The following KAT6A variants were observed in gnomAD, a reference collection of about 807,000 sequenced individuals.
KAT6A encodes histone acetyltransferase KAT6A.
KAT6A carries 9 observed loss-of-function variants against 198.4 expected under a neutral mutation model. The observed-to-expected ratio is 0.05, with a 90% confidence interval of 0.03 to 0.08. KAT6A has a LOEUF of 0.08. Among genes scored for constraint, KAT6A ranks in the 10% least tolerant of loss-of-function variants. The pLI is 1.00. For synonymous variants in KAT6A, 890 were observed against 883.0 expected, an observed-to-expected ratio of 1.01 and a Z score of -0.14; for missense variants, 2,077 against 2,509.9, an observed-to-expected ratio of 0.83 and a Z score of 3.69.
intron 14 of KAT6A, 182 bp downstream of exon 14, chr8:41,942,610 TA>T (rs1822194697): frequency 2.9e-6 from 2 of 678,470 alleles, no homozygotes; most frequent in African/African-American, 1.8e-5. Flanking sequence ...GTCCAAGGCT[TA>T]AAAATACTTA....
At chr8:41,982,041 A>G (rs1169392322) in intron 3 of KAT6A, 87 bp from the exon 4 acceptor site, 3 of 739,912 alleles carry the variant, frequency 4.1e-6, no homozygotes, top group Non-Finnish European at 7.2e-6. Flanking sequence ...GAAAAAGGCA[A>G]TCATCTTAAA....
intron 2 of KAT6A, among the ~76,000 whole-genome samples, chr8:41,988,316 A>AT (rs1368357648): frequency 6.6e-6 from 1 of 152,192 alleles, no homozygotes; most frequent in Non-Finnish European, 1.5e-5. Context: ...AAGAAGCTAG[A>AT]TAAGTTCGTG....
At chr8:41,963,763 T>A (rs182575034) in intron 8 of KAT6A, among the ~76,000 whole-genome samples, 2 of 152,254 alleles carry the variant, frequency 1.3e-5, no homozygotes, top group East Asian at 3.9e-4. Context: ...ACTTAACTAC[T>A]TTAAAGAGCT....
chr8:41,934,626 A>C lies in KAT6A; in HGVS notation c.3594T>G (p.Ala1198=). 6.2e-7 allele frequency: 1 copy of C among 1,614,092 alleles called. No individual in the cohort carries two copies. Among genetic ancestry groups the C allele is most frequent in the Non-Finnish European group, 8.5e-7 (1 of 1,180,026 alleles). ...TCTCCTGGATCTTGGGTTTACGTCC[A>C]GCTTTAGGAATGGAAACGATGGGCT... The part of the protein sequence containing the change: ...VIEPIVSIPK[A]GRKPKIQESE... Residue 1198 remains alanine (A), a synonymous_variant, in exon 17 of 17, where the codon GCT becomes GCG. Coordinates refer to ENST00000265713, the MANE Select transcript of KAT6A (RefSeq NM_006766.5).
chr8:41,968,106 A>T (rs547767932), intron 8 of KAT6A, among the ~76,000 whole-genome samples: 1 of 152,146 alleles, frequency 6.6e-6, no homozygotes, highest in Non-Finnish European at 1.5e-5. Context: ...ACGGCAACAA[A>T]AGCCAAAATT....
At chr8:42,044,930 C>A (rs1827837664) in intron 2 of KAT6A, among the ~76,000 whole-genome samples, 1 of 152,170 alleles carries the variant, frequency 6.6e-6, no homozygotes, top group Admixed American at 6.5e-5. Context: ...AGCAAACTAT[C>A]AATTCTGCAT....
rs780887472 is a variant in KAT6A at position 41,932,494 on chromosome 8, T to C, written c.5726A>G (p.Tyr1909Cys). 2.5e-6 allele frequency: 4 copies of C among 1,614,132 alleles called. No individual in the cohort carries two copies. Among genetic ancestry groups the C allele is most frequent in the Non-Finnish European group, 3.4e-6 (4 of 1,180,052 alleles). The change falls in exon 17 of 17, where the codon TAT (tyrosine) becomes TGT (cysteine). Residue 1909 changes from tyrosine to cysteine, a missense_variant. Coordinates refer to ENST00000265713, the MANE Select transcript of KAT6A (RefSeq NM_006766.5). ...MGVNLMPTPA[Y>C]NVNSMNMNTL... ...GTTCATATTCATGGAATTGACATTA[T>C]AGGCGGGAGTAGGCATCAGATTAAC...
chr8:42,042,462 C>T (rs939858993), intron 2 of KAT6A, among the ~76,000 whole-genome samples: 32 of 151,922 alleles, frequency 2.1e-4, no homozygotes, highest in Non-Finnish European at 3.1e-4. Context: ...AAAAAAAATC[C>T]CCATTTTAAT....
intron 8 of KAT6A, among the ~76,000 whole-genome samples, chr8:41,970,055 C>T (rs971398369): frequency 6.6e-6 from 1 of 152,146 alleles, no homozygotes; most frequent in Non-Finnish European, 1.5e-5. Context: ...CATTTCCTTC[C>T]GACTATCAGT....
chr8:41,949,366 G>A lies in KAT6A; in HGVS notation c.1599-3C>T, dbSNP rs1276966120. On this transcript the variant is annotated splice_region_variant and splice_polypyrimidine_tract_variant and intron_variant, in intron 9 of 16. Coordinates refer to ENST00000265713, the MANE Select transcript of KAT6A (RefSeq NM_006766.5). ...CACAAAGATACAATTTGGGCAGCCT[G>A]TAAACGATAATTAAACAAAAAAGAC... The A allele has an allele frequency of 2.0e-6, 3 of 1,489,352 alleles. No homozygotes were observed. Among genetic ancestry groups the A allele is most frequent in the Non-Finnish European group, 2.7e-6 (3 of 1,122,738 alleles). 92.3% of individuals were successfully genotyped at this position (1,489,352 alleles called of 1,614,324 possible).
intron 9 of KAT6A, among the ~76,000 whole-genome samples, chr8:41,953,827 G>C (rs910357369): frequency 3.3e-5 from 5 of 152,138 alleles, no homozygotes; most frequent in African/African-American, 9.7e-5. Flanking sequence ...GAGTTAACTT[G>C]AACGCTGAGT....
intron 9 of KAT6A, among the ~76,000 whole-genome samples, chr8:41,951,570 A>AGC (rs1822670476): frequency 6.6e-6 from 1 of 152,208 alleles, no homozygotes; most frequent in Non-Finnish European, 1.5e-5. Context: ...TCAAACAGGT[A>AGC]GCTGTACGGT....
chr8:41,978,228 A>T (rs1172623565), intron 6 of KAT6A, among the ~76,000 whole-genome samples: 1 of 152,216 alleles, frequency 6.6e-6, no homozygotes, highest in Non-Finnish European at 1.5e-5. Context: ...AACTGAGACA[A>T]GATCAGGAGA....
intron 8 of KAT6A, among the ~76,000 whole-genome samples, chr8:41,974,043 A>G (rs1314256667): frequency 2.0e-5 from 3 of 152,042 alleles, no homozygotes. Context: ...CTCTGTCTAT[A>G]TATTTACGAT....
chr8:41,940,796 T>C (rs1461466396), intron 15 of KAT6A, 46 bp downstream of exon 15: 2 of 1,567,832 alleles, frequency 1.3e-6, no homozygotes, highest in South Asian at 2.3e-5. Context: ...AGGTGTAAGA[T>C]AAACTGGAAT....
chr8:41,956,112 G>C (rs1454735871), intron 8 of KAT6A, among the ~76,000 whole-genome samples: 1 of 152,086 alleles, frequency 6.6e-6, no homozygotes, highest in Non-Finnish European at 1.5e-5. Context: ...TATCTAAACA[G>C]AGAATAATTT....
chr8:41,949,759 T>C (rs540432855), intron 9 of KAT6A, among the ~76,000 whole-genome samples: 1 of 152,186 alleles, frequency 6.6e-6, no homozygotes, highest in Non-Finnish European at 1.5e-5. Context: ...TCTGAGAACA[T>C]CTAAAATTCT....
intron 2 of KAT6A, among the ~76,000 whole-genome samples, chr8:42,021,850 C>T (rs1384192543): frequency 2.0e-5 from 3 of 152,204 alleles, no homozygotes; most frequent in East Asian, 1.9e-4. Flanking sequence ...ATCGCTTGAA[C>T]CTGGGAGGCA....
intron 2 of KAT6A, among the ~76,000 whole-genome samples, chr8:42,045,444 C>A (rs1245323820): frequency 4.6e-5 from 7 of 151,920 alleles, no homozygotes; most frequent in African/African-American, 1.7e-4. Context: ...TGCCTGTAAT[C>A]CCAGCTACAT....
Sources: gnomAD v4.1 joint callset for allele counts (sites outside exome capture counted in the v4.1 genomes callset) on GRCh38, gnomAD v4.1.1 for gene constraint, MANE v1.5 for transcripts, NCBI Gene and HGNC (gene_info 2026-07-23, HGNC 2026-07-21) for gene names.